NFAT5: variants seen among roughly 807,000 people sequenced by gnomAD.
The protein encoded by NFAT5 is nuclear factor of activated T-cells 5.
A neutral mutation model predicts 166.5 loss-of-function variants in NFAT5; 31 were observed. The ratio of observed to expected loss-of-function variants is 0.19; its 90% CI spans 0.14 to 0.25. NFAT5 has a LOEUF of 0.25. Among genes scored for constraint, NFAT5 ranks in the 10% least tolerant of loss-of-function variants. The pLI, the probability that NFAT5 is intolerant of heterozygous loss-of-function variation, is 1.00. For synonymous variants in NFAT5, 612 were observed against 639.7 expected (o/e 0.96, Z 0.65); for missense variants, 1,449 against 1,821.8 (o/e 0.80, Z 3.72).
At chr16:69,668,492 C>G (rs1052255173) in intron 7 of NFAT5, among the ~76,000 whole-genome samples, 6 of 152,120 alleles carry the variant, frequency 3.9e-5, no homozygotes, top group African/African-American at 9.7e-5. Context: ...AGTGTAAACA[C>G]AGAATTCATT....
At chr16:69,597,077 G>T (rs139417710) in intron 2 of NFAT5, among the ~76,000 whole-genome samples, 3 of 152,262 alleles carry the variant, frequency 2.0e-5, no homozygotes, top group East Asian at 3.9e-4. Context: ...GTTGGAGGAA[G>T]AATGTTCCAG....
chr16:69,566,899 C>G lies in NFAT5; in HGVS notation c.73+525C>G, dbSNP rs952250995. Among the ~76,000 whole-genome samples, 1 of 152,182 alleles carries G rather than the reference C, an allele frequency of 6.6e-6. No individual in the cohort carries two copies. Among genetic ancestry groups the G allele is most frequent in the African/African-American group, 2.4e-5 (1 of 41,456 alleles). ...TGTTTTTGCGCCGTCGTTCCACCCC[C>G]TCTCCCTCCGGCCTAGTCCACTCCC... is the stretch of plus-strand genomic sequence containing the variant. On this transcript the variant is annotated intron_variant, in intron 1 of 14. Coordinates refer to ENST00000349945, the MANE Select transcript of NFAT5 (RefSeq NM_138713.4). The surrounding 1 kb of genome is among the most constrained non-coding windows in gnomAD (Gnocchi z 5.7).
intron 2 of NFAT5, among the ~76,000 whole-genome samples, chr16:69,616,542 G>A (rs1205317692): frequency 4.0e-5 from 6 of 151,862 alleles, no homozygotes; most frequent in African/African-American, 1.2e-4. Flanking sequence ...CGTTCTGTTT[G>A]GGTTCCCACC....
At chr16:69,605,155 G>A (rs574976975) in intron 2 of NFAT5, among the ~76,000 whole-genome samples, 29 of 152,124 alleles carry the variant, frequency 1.9e-4, no homozygotes, top group Non-Finnish European at 4.0e-4. Flanking sequence ...AAAAGAAAGT[G>A]GAGGCCGGGT....
rs1163472084 is a variant in NFAT5, at chr16:69,568,376, G to GTGTGTGTGTGTGTGTGTGTGTGTT, written c.74-118_74-117insGTGTGTGTGTGTGTGTGTGTGTTT. On this transcript the variant is annotated intron_variant, in intron 1 of 14. Coordinates refer to ENST00000349945, the MANE Select transcript of NFAT5 (RefSeq NM_138713.4). Reference sequence around the variant, plus strand: ...TGTGTGTGTGTGTGTGTGTGTGTGTGTATATATATATATATATACACACAC... The same window carrying GTGTGTGTGTGTGTGTGTGTGTGTT: ...TGTGTGTGTGTGTGTGTGTGTGTGTGTGTGTGTGTGTGTGTGTGTGTGTTTATATATATATATATATACACACAC... 4 of 278,184 alleles carry GTGTGTGTGTGTGTGTGTGTGTGTT rather than the reference G, an allele frequency of 1.4e-5. 1 individual carries two copies. In the Admixed American group the frequency reaches 2.2e-4, roughly 15 times the overall value. The allele number at this position is 278,184 out of a possible 1,614,324, so 17.2% of individuals were successfully genotyped here. A position where few individuals can be genotyped will look rare whatever the true frequency, so the allele number is the denominator to read the frequency against.
intron 3 of NFAT5, among the ~76,000 whole-genome samples, chr16:69,631,717 C>G (rs762146824): frequency 2.2e-4 from 34 of 152,048 alleles, no homozygotes; most frequent in South Asian, 6.2e-4. Context: ...CCTCCACCTC[C>G]CGGGTTCCAG....
At position 69,696,727 on chromosome 16, in the gene NFAT5, T is replaced by C. The variant is rs564819633; in HGVS notation, c.*376T>C. 1 of 152,688 alleles carries C rather than the reference T, an allele frequency of 6.5e-6. No homozygotes were observed. Among genetic ancestry groups the C allele is most frequent in the South Asian group, 2.1e-4 (1 of 4,830 alleles). 9.5% of individuals were successfully genotyped at this position (152,688 alleles called of 1,614,324 possible). A position where few individuals can be genotyped will look rare whatever the true frequency, so the allele number is the denominator to read the frequency against. On this transcript the variant is annotated 3_prime_UTR_variant, in exon 15 of 15. Transcript: ENST00000349945. ...TAATATATCATGTTTACTTTTGTTCTTCATTATTTTCTTTCCTGCATTGTT... is the reference window on the plus strand; with the variant it reads ...TAATATATCATGTTTACTTTTGTTCCTCATTATTTTCTTTCCTGCATTGTT...
At chr16:69,661,539 TAAA>T (rs1037382239) in intron 7 of NFAT5, among the ~76,000 whole-genome samples, 837 of 37,854 alleles carry the variant, frequency 0.022, 7 homozygotes, top group Middle Eastern at 0.18. Flanking sequence ...CCCAGTCTCT[TAAA>T]AAAAAAAAAA....
At chr16:69,664,842 A>T (rs1266994301) in intron 7 of NFAT5, among the ~76,000 whole-genome samples, 1 of 152,138 alleles carries the variant, frequency 6.6e-6, no homozygotes, top group Non-Finnish European at 1.5e-5. Context: ...AGCCTGAGCA[A>T]CATGGAGAAA....
chr16:69,634,049 G>A (rs558150331), intron 3 of NFAT5, among the ~76,000 whole-genome samples: 5 of 151,768 alleles, frequency 3.3e-5, no homozygotes, highest in East Asian at 1.9e-4. Flanking sequence ...GGGCCGAGGC[G>A]GGCAGATCAC....
intron 10 of NFAT5, among the ~76,000 whole-genome samples, chr16:69,679,943 C>T (rs2036988775): frequency 6.6e-6 from 1 of 151,942 alleles, no homozygotes; most frequent in Non-Finnish European, 1.5e-5. Context: ...ACGGTGAAAC[C>T]CATCTCTACT....
Position 69,692,257 on chromosome 16 carries a change from G to C in NFAT5, c.2432G>C (p.Gly811Ala), listed in dbSNP as rs1442529180. ...FTGSTASGSS[G>A]SVDLVQQVLE... ...GGCAGTACTGCTAGTGGCAGCAGTG[G>C]AAGTGTTGACTTGGTCCAACAAGTT... The change falls in exon 13 of 15, where the codon GGA (glycine) becomes GCA (alanine). Residue 811 changes from glycine to alanine, a missense_variant. Gly to Ala is a moderately conservative substitution (Grantham distance 60). Coordinates refer to ENST00000349945, the MANE Select transcript of NFAT5 (RefSeq NM_138713.4). 1.9e-6 allele frequency: 3 copies of C among 1,614,064 alleles called. No homozygotes were observed. The highest frequency in any genetic ancestry group is 3.3e-5 in the Admixed American group (2 of 60,004).
intron 2 of NFAT5, among the ~76,000 whole-genome samples, chr16:69,609,703 A>G (rs897988041): frequency 6.0e-5 from 9 of 151,124 alleles, no homozygotes; most frequent in South Asian, 2.1e-4. Context: ...AAGTAGGACC[A>G]GGTGCAGTAG....
At chr16:69,606,035 T>C (rs2033390703) in intron 2 of NFAT5, among the ~76,000 whole-genome samples, 1 of 152,202 alleles carries the variant, frequency 6.6e-6, no homozygotes, top group Non-Finnish European at 1.5e-5. Flanking sequence ...TTAATAGGAA[T>C]GTTTTGGTAC....
intron 2 of NFAT5, among the ~76,000 whole-genome samples, chr16:69,580,787 C>T (rs2031628967): frequency 6.6e-6 from 1 of 152,014 alleles, no homozygotes; most frequent in African/African-American, 2.4e-5. Context: ...TCCCGAGTAG[C>T]TGGGACTACA....
chr16:69,609,151 A>C (rs1379124006), intron 2 of NFAT5, among the ~76,000 whole-genome samples: 1 of 152,044 alleles, frequency 6.6e-6, no homozygotes, highest in African/African-American at 2.4e-5. Context: ...GGTAATCTGC[A>C]GAAGAAGGTG....
At chr16:69,593,650 A>G (rs1208979994) in intron 2 of NFAT5, among the ~76,000 whole-genome samples, 5 of 152,176 alleles carry the variant, frequency 3.3e-5, no homozygotes, top group Non-Finnish European at 7.3e-5. Flanking sequence ...TTGAGAACAC[A>G]GGTAAAAGGG....
chr16:69,664,996 C>T (rs1243719191), intron 7 of NFAT5, among the ~76,000 whole-genome samples: 2 of 152,174 alleles, frequency 1.3e-5, no homozygotes, highest in African/African-American at 4.8e-5. Flanking sequence ...CACTGCACTC[C>T]AGCCTGGGCA....
rs780672062 is a variant in NFAT5 at position 69,692,636 on chromosome 16, T to G, written c.2811T>G (p.Thr937=). ...AQIQSELFPS[T]ASANGNLQQS... ...TTCAGTCAGAGTTATTCCCTTCAAC[T>G]GCTTCAGCAAATGGAAACCTTCAGC... is the stretch of plus-strand genomic sequence containing the variant. The change falls in exon 13 of 15, where the codon ACT becomes ACG. Residue 937 remains threonine, a synonymous_variant. Transcript: ENST00000349945. 6.2e-7 allele frequency: 1 copy of G among 1,614,244 alleles called. No individual in the cohort carries two copies. The highest frequency in any genetic ancestry group is 1.1e-5 in the South Asian group (1 of 91,088).
Sources: gnomAD v4.1 joint callset for allele counts (sites outside exome capture counted in the v4.1 genomes callset) on GRCh38, gnomAD v4.1.1 for gene constraint, Gnocchi (gnomAD v3.1) non-coding constraint, MANE v1.5 for transcripts, NCBI Gene and HGNC (gene_info 2026-07-23, HGNC 2026-07-21) for gene names.